FLG: variants seen among roughly 807,000 people sequenced by gnomAD.
The protein encoded by FLG is filaggrin.
In FLG, 6 loss-of-function variants were observed where a neutral mutation model predicts 3.8. That is an observed-to-expected ratio of 1.60 (90% confidence interval 0.87 to 3.15). FLG has a LOEUF of 3.15. FLG is among the 30% of genes most tolerant of loss of function. The pLI is 0.00. For synonymous variants in FLG, 2,551 were observed against 1,931.6 expected (o/e 1.32, Z -8.41); for missense variants, 7,595 against 5,050.9 (o/e 1.50, Z -15.27).
In FLG at chr1:152,304,751, T is replaced by G. The variant is rs1413924207; in HGVS notation, c.10135A>C (p.Arg3379=). 2 of 1,613,452 alleles carry G rather than the reference T, an allele frequency of 1.2e-6. No individual in the cohort carries two copies. Among genetic ancestry groups the G allele is most frequent in the Non-Finnish European group, 1.7e-6 (2 of 1,179,876 alleles). The change falls in exon 3 of 3, where the codon AGG becomes CGG. Residue 3379 remains arginine (R), a synonymous_variant. Coordinates refer to ENST00000368799, the MANE Select transcript of FLG (RefSeq NM_002016.2). ...AGGAAAGACCCTGAACGTCCAGACC[T>G]TCCCCCTGACCGGTCACGTGCGGAC... ...QESARDRSGG[R]SGRSGSFLYQ...
chr1:152,303,113 C>A lies in FLG; in HGVS notation c.11773G>T (p.Ala3925Ser), dbSNP rs773944501. ...CTACTAAAGTGACCATGTTCCTTAG[C>A]GGTACTAGAGTCTGACTGTACAGGT... ...SSPVQSDSST[A>S]KEHGHFSSLS... The change falls in exon 3 of 3, where the codon GCT (alanine) becomes TCT (serine). Residue 3925 changes from alanine to serine, a missense_variant. By Grantham distance (99) the Ala-to-Ser change is moderately conservative. Coordinates refer to ENST00000368799, the MANE Select transcript of FLG (RefSeq NM_002016.2). 5 of 1,614,154 alleles carry A rather than the reference C, an allele frequency of 3.1e-6. No individual in the cohort carries two copies. In the East Asian group the frequency reaches 6.7e-5, roughly 22 times the overall value.
rs1477671371 is a variant in FLG, at chr1:152,307,651, C to T, written c.7235G>A (p.Gly2412Glu). 6 of 1,613,234 alleles carry T rather than the reference C, an allele frequency of 3.7e-6. No individual in the cohort carries two copies. In the African/African-American group the frequency reaches 6.7e-5, roughly 18 times the overall value. Residue 2412 changes from glycine to glutamate, a missense_variant, in exon 3 of 3, where the codon GGG (glycine) becomes GAG (glutamate). Transcript: ENST00000368799. ...AGTGCTCACCTGGTAGAGGAAAGAC[C>T]CTGAACGTCCAGACCTTCCTGCTGA... is the stretch of plus-strand genomic sequence containing the variant. ...GRSAGRSGRS[G>E]SFLYQVSTHE...
In FLG at chr1:152,315,381, C is replaced by T. The variant is rs73007748; in HGVS notation, c.76G>A (p.Asp26Asn). ...KQYSKKDKNT[D>N]TLSKKELKEL... The stretch of plus-strand genomic sequence containing the variant: ...TTCAGCTCTTTTTTACTCAATGTGT[C>T]AGTGTTTTTATCTTTTTTTGAATAT... The change falls in exon 2 of 3, where the codon GAC becomes AAC. Residue 26 changes from aspartate to asparagine, a missense_variant. Coordinates refer to ENST00000368799, the MANE Select transcript of FLG (RefSeq NM_002016.2). 9.7e-4 allele frequency: 1,569 copies of T among 1,612,678 alleles called. 20 individuals carry two copies. In the African/African-American group the frequency reaches 0.019, roughly 19 times the overall value.
At position 152,309,381 on chromosome 1, in the gene FLG, A is replaced by C. The variant is rs1426175146; in HGVS notation, c.5505T>G (p.Ser1835Arg). ...QGSHYEQSVDSSGHSGSHHSH... is the reference protein window; with the variant it reads ...QGSHYEQSVDRSGHSGSHHSH... The stretch of plus-strand genomic sequence containing the variant: ...TGTGATGAGACCCTGAGTGTCCAGA[A>C]CTATCTACCGATTGCTCATAGTGGG... Residue 1835 changes from serine (S) to arginine (R), a missense_variant, in exon 3 of 3, where the codon AGT becomes AGG. Transcript: ENST00000368799. The C allele has an allele frequency of 2.5e-6, 4 of 1,613,270 alleles. No individual in the cohort carries two copies. Among genetic ancestry groups the C allele is most frequent in the South Asian group, 1.1e-5 (1 of 91,020 alleles).
rs1310174611 is a variant in FLG at position 152,307,984 on chromosome 1, T to G, written c.6902A>C (p.Gln2301Pro). 1 of 1,614,176 alleles carries G rather than the reference T, an allele frequency of 6.2e-7. No homozygotes were observed. The highest frequency in any genetic ancestry group is 8.5e-7 in the Non-Finnish European group (1 of 1,180,036). The change falls in exon 3 of 3, where the codon CAA becomes CCA. Residue 2301 changes from glutamine to proline, a missense_variant. Physicochemically the swap from Gln to Pro is moderately conservative, Grantham distance 76 (BLOSUM62 -1). Transcript: ENST00000368799. ...GHGHSAESSR[Q>P]SGTHHAENSS... ...ATTCTCTGCATGATGAGTGCCTGAT[T>G]GTCTGGAGCTCTCTGCAGAGTGCCC... is the stretch of plus-strand genomic sequence containing the variant.
intron 1 of FLG, 37 bp from the exon 2 acceptor site, chr1:152,315,514 T>A (rs2786670): frequency 6.8e-7 from 1 of 1,473,758 alleles, no homozygotes; most frequent in Non-Finnish European, 9.3e-7. Context: ...TTTTTATACA[T>A]CTTTTTTTCT....
chr1:152,304,272 A>T lies in FLG; in HGVS notation c.10614T>A (p.Ser3538Arg), dbSNP rs1651785563. The change falls in exon 3 of 3, where the codon AGT becomes AGA. Residue 3538 changes from serine (S) to arginine (R), a missense_variant. Transcript: ENST00000368799. ...GPRTSRNQGS[S>R]VSQDSDSQGH... ...CCTGACTGTCACTGTCCTGGCTAACACTGGATCCCTGGTTCCTGCTTGTCC... is the reference window on the plus strand; with the variant it reads ...CCTGACTGTCACTGTCCTGGCTAACTCTGGATCCCTGGTTCCTGCTTGTCC... The T allele has an allele frequency of 6.2e-7, 1 of 1,612,814 alleles. No individual in the cohort carries two copies. Among genetic ancestry groups the T allele is most frequent in the Non-Finnish European group, 8.5e-7 (1 of 1,179,582 alleles).
In FLG at chr1:152,307,598, G is replaced by C; in HGVS notation, c.7288C>G (p.Arg2430Gly). 2 of 1,613,642 alleles carry C rather than the reference G, an allele frequency of 1.2e-6. No individual in the cohort carries two copies. The highest frequency in any genetic ancestry group is 1.7e-6 in the Non-Finnish European group (2 of 1,179,906). ...THEQSESAHG[R>G]TGTSTGGRQG... ...CTTCCTCCAGTGCTGGTCCCGGTCC[G>C]TCCATGGGCGGACTCAGACTGTTCA... Residue 2430 changes from arginine (R) to glycine (G), a missense_variant, in exon 3 of 3, where the codon CGG becomes GGG. Physicochemically the swap from Arg to Gly is moderately radical, Grantham distance 125. Coordinates refer to ENST00000368799, the MANE Select transcript of FLG (RefSeq NM_002016.2).
At position 152,303,133 on chromosome 1, in the gene FLG, A is replaced by G. The variant is rs754347945; in HGVS notation, c.11753T>C (p.Val3918Ala). ...DTASHVQSSP[V>A]QSDSSTAKEH... ...CTTAGCGGTACTAGAGTCTGACTGT[A>G]CAGGTGAAGACTGTACATGACTGGC... is the stretch of plus-strand genomic sequence containing the variant. The change falls in exon 3 of 3, where the codon GTA becomes GCA. Residue 3918 changes from valine (V) to alanine (A), a missense_variant. By Grantham distance (64) the Val-to-Ala change is moderately conservative (BLOSUM62 0). Transcript: ENST00000368799. 6.2e-7 allele frequency: 1 copy of G among 1,614,194 alleles called. No individual in the cohort carries two copies. Among genetic ancestry groups the G allele is most frequent in the Admixed American group, 1.7e-5 (1 of 60,028 alleles).
chr1:152,303,145 T>A lies in FLG; in HGVS notation c.11741A>T (p.Gln3914Leu), dbSNP rs193139392. The A allele has an allele frequency of 4.6e-5, 75 of 1,614,160 alleles. No homozygotes were observed. The highest frequency in any genetic ancestry group is 6.2e-5 in the Non-Finnish European group (73 of 1,180,016). ...AGAGTCTGACTGTACAGGTGAAGAC[T>A]GTACATGACTGGCTGTATCGCGGTG... ...SSHRDTASHV[Q>L]SSPVQSDSST... The change falls in exon 3 of 3, where the codon CAG becomes CTG. Residue 3914 changes from glutamine to leucine, a missense_variant. Transcript: ENST00000368799.
intron 1 of FLG, among the ~76,000 whole-genome samples, chr1:152,321,024 A>T (rs771937631): frequency 2.0e-5 from 3 of 151,162 alleles, no homozygotes; most frequent in Non-Finnish European, 3.0e-5. Flanking sequence ...GGAATACATT[A>T]ATTCCATGCC....
Position 152,307,418 on chromosome 1 carries a change from A to T in FLG, c.7468T>A (p.Ser2490Thr). 1 of 1,612,754 alleles carries T rather than the reference A, an allele frequency of 6.2e-7. No individual in the cohort carries two copies. The highest frequency in any genetic ancestry group is 1.3e-5 in the African/African-American group (1 of 74,694). Reference sequence around the variant, plus strand: ...TGGGATGTGGTGTGGCTGTGATGAGACCCTGAGTGTCCAGATCTATCTACC... The same window carrying T: ...TGGGATGTGGTGTGGCTGTGATGAGTCCCTGAGTGTCCAGATCTATCTACC... Reference protein sequence around the residue: ...QLVDRSGHSGSHHSHTTSQGR... With the variant: ...QLVDRSGHSGTHHSHTTSQGR... The change falls in exon 3 of 3, where the codon TCT becomes ACT. Residue 2490 changes from serine to threonine, a missense_variant. Coordinates refer to ENST00000368799, the MANE Select transcript of FLG (RefSeq NM_002016.2).
rs1274063562 is a variant in FLG at position 152,307,834 on chromosome 1, G to T, written c.7052C>A (p.Ala2351Asp). 2.5e-6 allele frequency: 4 copies of T among 1,613,230 alleles called. No individual in the cohort carries two copies. Among genetic ancestry groups the T allele is most frequent in the Non-Finnish European group, 3.4e-6 (4 of 1,179,874 alleles). ...TCCACTGTCTCTGACTGCAGATGAA[G>T]CTTGTCCGTGCCCAATGCCTGAGTG... ...SRHSGIGHGQASSAVRDSGHR... is the reference protein window; with the variant it reads ...SRHSGIGHGQDSSAVRDSGHR... The change falls in exon 3 of 3, where the codon GCT becomes GAT. Residue 2351 changes from alanine to aspartate, a missense_variant. Transcript: ENST00000368799.
chr1:152,315,927 A>T (rs570124089), intron 1 of FLG, among the ~76,000 whole-genome samples: 1 of 152,340 alleles, frequency 6.6e-6, no homozygotes, highest in African/African-American at 2.4e-5. Flanking sequence ...CCATATGACA[A>T]GATACTCAAT....
In FLG at chr1:152,303,742, C is replaced by G. The variant is rs757212865; in HGVS notation, c.11144G>C (p.Ser3715Thr). The change falls in exon 3 of 3, where the codon AGC becomes ACC. Residue 3715 changes from serine to threonine, a missense_variant. Coordinates refer to ENST00000368799, the MANE Select transcript of FLG (RefSeq NM_002016.2). ...GGCAGACTCAGACTGTTCATGAGTG[C>G]TCACCTGGTAGAGGAAAGACCCTGA... is the stretch of plus-strand genomic sequence containing the variant. Reference protein sequence around the residue: ...GRSGSFLYQVSTHEQSESAHG... With the variant: ...GRSGSFLYQVTTHEQSESAHG... The G allele has an allele frequency of 6.2e-7, 1 of 1,613,900 alleles. No homozygotes were observed. The highest frequency in any genetic ancestry group is 8.5e-7 in the Non-Finnish European group (1 of 1,179,910).
Position 152,303,400 on chromosome 1 carries a change from C to G in FLG, c.11486G>C (p.Arg3829Pro). Residue 3829 changes from arginine to proline, a missense_variant, in exon 3 of 3, where the codon CGT (arginine) becomes CCT (proline). Arg to Pro is a moderately radical substitution (Grantham distance 103, BLOSUM62 -2). Transcript: ENST00000368799. The part of the protein sequence containing the change: ...SGDGSRHSGS[R>P]HHEASTQADS... Reference sequence around the variant, plus strand: ...AGCCTGAGTGGAAGCTTCATGGTGACGCGACCCTGAGTGCCTGGAGCCGTC... The same window carrying G: ...AGCCTGAGTGGAAGCTTCATGGTGAGGCGACCCTGAGTGCCTGGAGCCGTC... 1.9e-6 allele frequency: 3 copies of G among 1,614,004 alleles called. No homozygotes were observed. The highest frequency in any genetic ancestry group is 2.5e-6 in the Non-Finnish European group (3 of 1,179,984).
Position 152,310,368 on chromosome 1 carries a change from C to T in FLG, c.4518G>A (p.Glu1506=), listed in dbSNP as rs1166665758. The part of the protein sequence containing the change: ...SRGGRQGSYH[E]QSVDRSGHSG... ...AGTGTCCAGACCTATCTACTGATTG[C>T]TCGTGGTAGGATCCCTGCCTTCCTC... Residue 1506 remains glutamate, a synonymous_variant, in exon 3 of 3, where the codon GAG becomes GAA. Transcript: ENST00000368799. 8.7e-6 allele frequency: 14 copies of T among 1,613,722 alleles called. No homozygotes were observed. Among genetic ancestry groups the T allele is most frequent in the African/African-American group, 1.3e-5 (1 of 74,810 alleles).
chr1:152,312,200 T>C lies in FLG; in HGVS notation c.2686A>G (p.Thr896Ala), dbSNP rs1482822838. The change falls in exon 3 of 3, where the codon ACA becomes GCA. Residue 896 changes from threonine to alanine, a missense_variant. By Grantham distance (58) the Thr-to-Ala change is moderately conservative. Transcript: ENST00000368799. ...TCTCTTGATTGTTCCTCATTACGTG[T>C]TGTTCTGCTTGCACTTCTGGATCCT... Reference protein sequence around the residue: ...QSGSRSASRTTRNEEQSRDGS... With the variant: ...QSGSRSASRTARNEEQSRDGS... The C allele has an allele frequency of 1.2e-6, 2 of 1,613,562 alleles. No individual in the cohort carries two copies. The highest frequency in any genetic ancestry group is 1.7e-6 in the Non-Finnish European group (2 of 1,179,944).
At chr1:152,315,292 A>T (rs1326989228) in intron 2 of FLG, 27 bp downstream of exon 2, 2 of 1,610,058 alleles carry the variant, frequency 1.2e-6, no homozygotes, top group Admixed American at 1.7e-5. Context: ...CAAATGCTCT[A>T]TCTTTGGTCT....
Sources: gnomAD v4.1 joint callset for allele counts (sites outside exome capture counted in the v4.1 genomes callset) on GRCh38, gnomAD v4.1.1 for gene constraint, MANE v1.5 for transcripts, NCBI Gene and HGNC (gene_info 2026-07-23, HGNC 2026-07-21) for gene names.